The following ZFAT variants were observed in gnomAD, a reference collection of about 807,000 sequenced individuals.
ZFAT encodes the protein zinc finger and AT-hook domain containing, also known as zinc finger protein ZFAT.
Under a neutral mutation model 117.7 loss-of-function variants are expected in ZFAT, and 64 were observed. That is an observed-to-expected ratio of 0.54 (90% CI 0.44 to 0.67). ZFAT has a LOEUF of 0.67. Among genes scored for constraint, ZFAT ranks in the 30% least tolerant of loss-of-function variants. ZFAT has a pLI of 0.00. For missense variants in ZFAT, 1,433 were observed against 1,584.5 expected (o/e 0.90, Z 1.62); for synonymous variants, 679 against 615.0 (o/e 1.10, Z -1.54).
chr8:134,634,662 A>C (rs1442201512), intron 3 of ZFAT, among the ~76,000 whole-genome samples: 4 of 152,210 alleles, frequency 2.6e-5, no homozygotes, highest in Non-Finnish European at 5.9e-5. Context: ...TAAAAACCTA[A>C]GTTTTCATCA....
the ZFAT span, among the ~76,000 whole-genome samples, chr8:134,816,382 C>T: frequency 6.6e-6 from 1 of 150,946 alleles, no homozygotes; most frequent in Non-Finnish European, 1.5e-5. Context: ...AGGACTGTTA[C>T]AATCCTGTGA....
intron 13 of ZFAT, among the ~76,000 whole-genome samples, chr8:134,512,825 C>G (rs1257716047): frequency 1.3e-5 from 2 of 152,180 alleles, no homozygotes; most frequent in Non-Finnish European, 1.5e-5. Context: ...TGGTAAAAAG[C>G]CCCTGCTGTA....
chr8:134,499,711 A>G (rs1410493876), intron 15 of ZFAT, among the ~76,000 whole-genome samples: 1 of 152,254 alleles, frequency 6.6e-6, no homozygotes, highest in Non-Finnish European at 1.5e-5. Context: ...ATTTCTCACA[A>G]GCCCCCTGAT....
chr8:134,757,009 C>CTTTTTTTTT, the ZFAT span, among the ~76,000 whole-genome samples: 7 of 81,212 alleles, frequency 8.6e-5, no homozygotes, highest in Non-Finnish European at 1.1e-4. Context: ...ACCTTCTTTC[C>CTTTTTTTTT]TTTTTTTTTT....
At chr8:134,514,216 T>C (rs7386230) in intron 13 of ZFAT, among the ~76,000 whole-genome samples, 137,987 of 152,256 alleles carry the variant, frequency 0.91, 62,790 homozygotes, top group African/African-American at 0.95. Flanking sequence ...AACTACCCAG[T>C]CTTATGTCAA....
At chr8:134,482,082 C>T (rs1238448717) in intron 15 of ZFAT, among the ~76,000 whole-genome samples, 4 of 152,214 alleles carry the variant, frequency 2.6e-5, no homozygotes, top group Admixed American at 6.5e-5. Context: ...CGCGCCCTCT[C>T]CCAGACTGCA....
chr8:134,778,499 C>A, the ZFAT span, among the ~76,000 whole-genome samples: 1 of 152,234 alleles, frequency 6.6e-6, no homozygotes, highest in African/African-American at 2.4e-5. Flanking sequence ...CTTCATCCAT[C>A]CATCTGCTCG....
the ZFAT span, among the ~76,000 whole-genome samples, chr8:134,725,443 G>C: frequency 1.3e-5 from 2 of 152,164 alleles, no homozygotes; most frequent in African/African-American, 2.4e-5. Context: ...AAGGGGGAAT[G>C]GGCACATATT....
chr8:134,666,281 T>C (rs1483359674), intron 1 of ZFAT, among the ~76,000 whole-genome samples: 1 of 152,124 alleles, frequency 6.6e-6, no homozygotes, highest in Non-Finnish European at 1.5e-5. Flanking sequence ...CCATTGGCAG[T>C]AACAAGGCAG....
At chr8:134,491,273 A>T (rs147170521) in intron 15 of ZFAT, among the ~76,000 whole-genome samples, 35 of 152,376 alleles carry the variant, frequency 2.3e-4, no homozygotes, top group African/African-American at 8.4e-4. Context: ...GCCCTCCGGC[A>T]TCAGCGATGC....
At chr8:134,827,364 T>C in the ZFAT span, among the ~76,000 whole-genome samples, 12 of 152,214 alleles carry the variant, frequency 7.9e-5, no homozygotes, top group Non-Finnish European at 1.6e-4. Flanking sequence ...CCTTTCTTAT[T>C]TTTAAGAACT....
chr8:134,629,516 T>G (rs747483845), intron 3 of ZFAT, among the ~76,000 whole-genome samples: 1 of 152,072 alleles, frequency 6.6e-6, no homozygotes, highest in Non-Finnish European at 1.5e-5. Flanking sequence ...CCAAATCTCA[T>G]GTTGAATTGG....
At chr8:134,820,827 G>A in the ZFAT span, among the ~76,000 whole-genome samples, 1 of 152,220 alleles carries the variant, frequency 6.6e-6, no homozygotes, top group African/African-American at 2.4e-5. Context: ...CCTTCCTTAT[G>A]AAAAGTGCCT....
At chr8:134,814,702 G>A in the ZFAT span, among the ~76,000 whole-genome samples, 2 of 152,320 alleles carry the variant, frequency 1.3e-5, no homozygotes, top group South Asian at 2.1e-4. Flanking sequence ...CACTAAGCTT[G>A]CCTTTATCAT....
chr8:134,648,557 T>C (rs1264804535), intron 2 of ZFAT, among the ~76,000 whole-genome samples: 1 of 151,974 alleles, frequency 6.6e-6, no homozygotes, highest in African/African-American at 2.4e-5. Flanking sequence ...AATTAGACAA[T>C]CTAGACAAAA....
At chr8:134,745,215 A>G in the ZFAT span, among the ~76,000 whole-genome samples, 1 of 152,182 alleles carries the variant, frequency 6.6e-6, no homozygotes, top group East Asian at 1.9e-4. Flanking sequence ...AGGGAATCAT[A>G]TGGCATGTTC....
At chr8:134,797,375 A>T in the ZFAT span, 1 of 152,104 alleles carries the variant, frequency 6.6e-6, no homozygotes, top group Non-Finnish European at 1.5e-5. Flanking sequence ...AACCTTATAA[A>T]AGTCCTCCCT....
At chr8:134,676,437 T>C (rs1308568643) in intron 1 of ZFAT, among the ~76,000 whole-genome samples, 1 of 152,030 alleles carries the variant, frequency 6.6e-6, no homozygotes, top group Non-Finnish European at 1.5e-5. Flanking sequence ...TGCACCCAGA[T>C]TCATAAAACA....
intron 11 of ZFAT, chr8:134,564,996 T>C: frequency 5.5e-6 from 7 of 1,272,996 alleles, no homozygotes; most frequent in Non-Finnish European, 7.1e-6. Context: ...CCTGCAGCAA[T>C]CCAGGATCTG....
Sources: allele counts gnomAD v4.1 joint callset (sites outside exome capture counted in the v4.1 genomes callset), GRCh38; gene constraint gnomAD v4.1.1; transcripts MANE v1.5; gene names NCBI Gene and HGNC (gene_info 2026-07-23, HGNC 2026-07-21).